Variants in ZNF560 observed in about 807,000 individuals in gnomAD.
ZNF560 encodes the protein zinc finger protein 560.
ZNF560 carries 54 observed loss-of-function variants against 81.8 expected under a neutral mutation model. The observed-to-expected ratio is 0.66, with a 90% CI of 0.53 to 0.83. The LOEUF (loss-of-function observed/expected upper bound fraction) is 0.83, where lower values mean the gene tolerates loss of function less well. Ranked by LOEUF, ZNF560 falls within the 40% of genes least tolerant of loss-of-function variation. ZNF560 has a pLI of 0.00. For missense variants in ZNF560, 940 were observed against 932.4 expected (o/e 1.01, Z -0.11); for synonymous variants, 321 against 317.9 (o/e 1.01, Z -0.10).
At chr19:9,499,740 C>G (rs1236343725), upstream of ZNF560, among the ~76,000 whole-genome samples, 2 of 152,126 alleles carry the variant, frequency 1.3e-5, no homozygotes, top group Admixed American at 1.3e-4. Context: ...CAATATCTCT[C>G]TATTTAGGTC....
chr19:9,459,182 G>C, the ZNF560 span, among the ~76,000 whole-genome samples: 1 of 152,176 alleles, frequency 6.6e-6, no homozygotes, highest in Admixed American at 6.6e-5. Context: ...TAAAACAGCA[G>C]TTGCAAAAAC....
intron 7 of ZNF560, 78 bp from the exon 8 acceptor site, chr19:9,469,788 G>T: frequency 8.1e-7 from 1 of 1,233,730 alleles, no homozygotes; most frequent in Non-Finnish European, 1.2e-6. Context: ...CAGGGACTAC[G>T]TTTCTAATTA....
upstream of ZNF560, among the ~76,000 whole-genome samples, chr19:9,502,102 T>A (rs2073637673): frequency 6.6e-6 from 1 of 151,176 alleles, no homozygotes; most frequent in Non-Finnish European, 1.5e-5. Flanking sequence ...TGCAGTGAGC[T>A]GAAATCATGC....
At chr19:9,503,720 G>A in the ZNF560 span, among the ~76,000 whole-genome samples, 1 of 151,852 alleles carries the variant, frequency 6.6e-6, no homozygotes, top group Non-Finnish European at 1.5e-5. Context: ...AAAATTTTTT[G>A]TAGAGACAGG....
intron 2 of ZNF560, among the ~76,000 whole-genome samples, chr19:9,488,550 G>A (rs564589140): frequency 1.3e-4 from 19 of 151,998 alleles, no homozygotes; most frequent in African/African-American, 4.6e-4. Context: ...TATCACTAGA[G>A]TCCTAACTAG....
At chr19:9,456,469 A>G in the ZNF560 span, among the ~76,000 whole-genome samples, 11 of 152,328 alleles carry the variant, frequency 7.2e-5, no homozygotes, top group Admixed American at 7.2e-4. Context: ...AAGTGAAACT[A>G]AAAGAACAAG....
the ZNF560 span, among the ~76,000 whole-genome samples, chr19:9,457,176 A>C: frequency 6.6e-6 from 1 of 152,220 alleles, no homozygotes; most frequent in Non-Finnish European, 1.5e-5. Context: ...AGTTTTCGTA[A>C]TTAAGACAAA....
At chr19:9,475,697 C>T in intron 2 of ZNF560, among the ~76,000 whole-genome samples, 1 of 151,564 alleles carries the variant, frequency 6.6e-6, no homozygotes, top group South Asian at 2.1e-4. Flanking sequence ...AGCTCTGCCT[C>T]CTGGGTTCAC....
chr19:9,467,694 C>T lies in ZNF560; in HGVS notation c.1253G>A (p.Gly418Asp), dbSNP rs111436709. 0.01 allele frequency: 16,605 copies of T among 1,613,926 alleles called. 124 individuals are homozygous for T. The highest frequency in any genetic ancestry group is 0.012 in the Non-Finnish European group (14,354 of 1,179,982). Residue 418 changes from glycine (G) to aspartate (D), a missense_variant, in exon 10 of 10, where the codon GGC becomes GAC. Coordinates refer to ENST00000301480, the MANE Select transcript of ZNF560 (RefSeq NM_152476.3). The stretch of plus-strand genomic sequence containing the variant: ...GTGACATCTTATATGTTCAATAAGG[C>T]CTGCAGATGTACCAAAGGCTTTACC... ...ECGKAFGTSA[G>D]LIEHIRCHAR...
upstream of ZNF560, among the ~76,000 whole-genome samples, chr19:9,499,502 T>C (rs543419684): frequency 5.9e-5 from 9 of 152,118 alleles, no homozygotes. Flanking sequence ...CCTGGCCTTA[T>C]TGTATTTTTT....
upstream of ZNF560, among the ~76,000 whole-genome samples, chr19:9,502,248 T>C (rs1411245391): frequency 1.3e-5 from 2 of 152,078 alleles, no homozygotes; most frequent in Non-Finnish European, 2.9e-5. Context: ...AGTCTCGCTC[T>C]GTTGCCAGGC....
the ZNF560 span, among the ~76,000 whole-genome samples, chr19:9,454,566 C>T: frequency 6.6e-6 from 1 of 152,162 alleles, no homozygotes; most frequent in Non-Finnish European, 1.5e-5. Flanking sequence ...CAAGCAGGCA[C>T]AAGGCTTATT....
intron 2 of ZNF560, among the ~76,000 whole-genome samples, chr19:9,476,028 A>G (rs1036227464): frequency 1.7e-4 from 26 of 152,162 alleles, no homozygotes; most frequent in Admixed American, 1.7e-3. Flanking sequence ...AACTTACACA[A>G]CAGGCCTCTC....
intron 5 of ZNF560, among the ~76,000 whole-genome samples, chr19:9,472,037 G>GC (rs1456470796): frequency 2.6e-5 from 4 of 152,072 alleles, no homozygotes; most frequent in African/African-American, 9.7e-5. Context: ...ATGAACCTGG[G>GC]AGGCATAGGT....
At chr19:9,462,943 G>A (rs943135501), downstream of ZNF560, among the ~76,000 whole-genome samples, 8 of 152,088 alleles carry the variant, frequency 5.3e-5, no homozygotes, top group South Asian at 4.1e-4. Flanking sequence ...GCAATGAAAA[G>A]TAGAAAAAAA....
At position 9,475,494 on chromosome 19, in the gene ZNF560, T is replaced by C. The variant is rs575359365; in HGVS notation, c.-56-125A>G. 9.6e-4 allele frequency: 572 copies of C among 594,940 alleles called. 9 individuals are homozygous for C. The South Asian group carries it at 0.012, about 12-fold the overall frequency. The allele number at this position is 594,940 out of a possible 1,614,324, so 36.9% of individuals were successfully genotyped here. A position where few individuals can be genotyped will look rare whatever the true frequency, so the allele number is the denominator to read the frequency against. On this transcript the variant is annotated intron_variant, in intron 2 of 9. Coordinates refer to ENST00000301480, the MANE Select transcript of ZNF560 (RefSeq NM_152476.3). ...TCATATAAACTCACATAAATATACA[T>C]TACATCCATAAAATGCCACTGCACT... is the stretch of plus-strand genomic sequence containing the variant.
At chr19:9,479,503 G>A (rs1294198639) in intron 2 of ZNF560, among the ~76,000 whole-genome samples, 3 of 152,006 alleles carry the variant, frequency 2.0e-5, no homozygotes, top group Non-Finnish European at 2.9e-5. Flanking sequence ...AGGACACAAA[G>A]GTCGTTATAT....
rs1225671835 is a variant in ZNF560, at chr19:9,466,363, A to G, written c.*211T>C. Reference sequence around the variant, plus strand: ...TCATCAAAAAAAAAAAAAGAGAGAGAGAAGAACTAGTGTTTTCCTACATCC... The same window carrying G: ...TCATCAAAAAAAAAAAAAGAGAGAGGGAAGAACTAGTGTTTTCCTACATCC... On this transcript the variant is annotated 3_prime_UTR_variant, in exon 10 of 10. Transcript: ENST00000301480. The G allele has an allele frequency of 4.1e-6, 2 of 490,122 alleles. No individual in the cohort carries two copies. Among genetic ancestry groups the G allele is most frequent in the Non-Finnish European group, 7.1e-6 (2 of 283,324 alleles). The allele number at this position is 490,122 out of a possible 1,614,324, so 30.4% of individuals were successfully genotyped here. A position where few individuals can be genotyped will look rare whatever the true frequency, so the allele number is the denominator to read the frequency against.
upstream of ZNF560, among the ~76,000 whole-genome samples, chr19:9,501,688 G>T (rs865915904): frequency 3.4e-4 from 51 of 151,228 alleles, no homozygotes; most frequent in African/African-American, 1.0e-3. Context: ...TTGTAGAGAT[G>T]AGGTTTCGCC....
Sources: allele counts gnomAD v4.1 joint callset (sites outside exome capture counted in the v4.1 genomes callset), GRCh38; gene constraint gnomAD v4.1.1; transcripts MANE v1.5; gene names NCBI Gene and HGNC (gene_info 2026-07-23, HGNC 2026-07-21).